The following CDH23 variants were observed in gnomAD, a reference collection of about 807,000 sequenced individuals.
CDH23 encodes the protein cadherin-23.
CDH23 carries 189 observed loss-of-function variants against 317.1 expected under a neutral mutation model. That is an observed-to-expected ratio of 0.60 (90% CI 0.53 to 0.67). CDH23 has a LOEUF of 0.67. Among genes scored for constraint, CDH23 ranks in the 30% least tolerant of loss-of-function variants. The probability of loss-of-function intolerance (pLI) is 0.00; values close to 1 mark genes in which losing one functional copy is unlikely to be tolerated. For synonymous variants in CDH23, 1,839 were observed against 1,876.8 expected (o/e 0.98, Z 0.52); for missense variants, 4,401 against 4,592.4 (o/e 0.96, Z 1.20).
intron 38 of CDH23, among the ~76,000 whole-genome samples, chr10:71,759,736 C>T (rs937427942): frequency 1.3e-5 from 2 of 151,008 alleles, no homozygotes; most frequent in African/African-American, 4.9e-5. Flanking sequence ...CGCTTGAATC[C>T]GGGAGGCGGA....
At chr10:71,444,739 A>G (rs76115010) in intron 2 of CDH23, among the ~76,000 whole-genome samples, 3,005 of 152,250 alleles carry the variant, frequency 0.02, 110 homozygotes, top group African/African-American at 0.067. Context: ...CCCAGATGCC[A>G]ACCTTCTCAC....
chr10:71,500,900 C>T (rs1000460795), intron 3 of CDH23, among the ~76,000 whole-genome samples: 18 of 150,472 alleles, frequency 1.2e-4, no homozygotes, highest in Admixed American at 1.0e-3. Context: ...GACAGAGTCT[C>T]GCTCTGTCCT....
At chr10:71,669,248 C>A (rs942502273) in intron 14 of CDH23, among the ~76,000 whole-genome samples, 11 of 152,222 alleles carry the variant, frequency 7.2e-5, no homozygotes, top group African/African-American at 2.7e-4. Flanking sequence ...ACCTGGACTT[C>A]TAGGTGCGCA....
At chr10:71,644,262 C>A (rs979636738) in intron 12 of CDH23, among the ~76,000 whole-genome samples, 2 of 152,234 alleles carry the variant, frequency 1.3e-5, no homozygotes, top group African/African-American at 2.4e-5. Flanking sequence ...CAAGAGAGGG[C>A]TTAGGGAGCT....
At chr10:71,491,179 G>A (rs139733260) in intron 3 of CDH23, among the ~76,000 whole-genome samples, 2 of 152,256 alleles carry the variant, frequency 1.3e-5, no homozygotes, top group Admixed American at 6.5e-5. Flanking sequence ...ATTGGTGGAG[G>A]TCTGCCCTGA....
At chr10:71,662,961 C>T (rs1276760332) in intron 14 of CDH23, among the ~76,000 whole-genome samples, 2 of 152,206 alleles carry the variant, frequency 1.3e-5, no homozygotes, top group African/African-American at 4.8e-5. Context: ...CGTTCAGGGC[C>T]TGTGGCTGCA....
chr10:71,590,416 T>A (rs750150048), intron 9 of CDH23, among the ~76,000 whole-genome samples: 8 of 152,226 alleles, frequency 5.3e-5, no homozygotes, highest in Non-Finnish European at 1.2e-4. Context: ...TTCTGCTTTC[T>A]ATCTCACTGC....
At chr10:71,641,164 C>T (rs1040006579) in intron 11 of CDH23, among the ~76,000 whole-genome samples, 2 of 152,212 alleles carry the variant, frequency 1.3e-5, no homozygotes, top group African/African-American at 4.8e-5. Context: ...AGCTACTCTC[C>T]CTGCCGCAGT....
intron 6 of CDH23, among the ~76,000 whole-genome samples, chr10:71,555,849 A>G (rs1385378485): frequency 6.6e-6 from 1 of 152,148 alleles, no homozygotes; most frequent in African/African-American, 2.4e-5. Flanking sequence ...ATGAGACTCC[A>G]CCTAGCTCTG....
chr10:71,651,756 A>G (rs1863184861), intron 14 of CDH23, among the ~76,000 whole-genome samples: 1 of 152,174 alleles, frequency 6.6e-6, no homozygotes, highest in African/African-American at 2.4e-5. Flanking sequence ...GGGAAGGCCT[A>G]TATCAAACCA....
chr10:71,695,308 G>A (rs1865341109), intron 21 of CDH23, 110 bp from the exon 22 acceptor site: 1 of 793,074 alleles, frequency 1.3e-6, no homozygotes, highest in East Asian at 2.6e-5. Context: ...GGAGCTGGCA[G>A]AATTAATGCG....
At chr10:71,671,920 A>C (rs1864164784) in intron 14 of CDH23, among the ~76,000 whole-genome samples, 1 of 152,156 alleles carries the variant, frequency 6.6e-6, no homozygotes, top group African/African-American at 2.4e-5. Context: ...ACGTGGGTGC[A>C]GTTGTAGTTA....
chr10:71,481,094 C>G (rs1187469122), intron 3 of CDH23, among the ~76,000 whole-genome samples: 1 of 152,140 alleles, frequency 6.6e-6, no homozygotes, highest in African/African-American at 2.4e-5. Flanking sequence ...TTTGAGATCC[C>G]TGGGGAGCCC....
chr10:71,618,365 G>T (rs887879165), intron 11 of CDH23, among the ~76,000 whole-genome samples: 1 of 152,224 alleles, frequency 6.6e-6, no homozygotes, highest in South Asian at 2.1e-4. Context: ...GCGGGCGTAG[G>T]GGGGCAGGGC....
intron 3 of CDH23, among the ~76,000 whole-genome samples, chr10:71,464,632 A>G (rs1851160731): frequency 7.2e-6 from 1 of 139,006 alleles, no homozygotes; most frequent in African/African-American, 2.6e-5. Context: ...TCAGTTCCCA[A>G]TGATGCCAAT....
intron 30 of CDH23, among the ~76,000 whole-genome samples, 170 bp from the exon 31 acceptor site, chr10:71,730,299 G>A (rs1012412430): frequency 1.3e-5 from 2 of 152,236 alleles, no homozygotes; most frequent in African/African-American, 4.8e-5. Flanking sequence ...GCCAGGTGCT[G>A]TGCAAGGTGG....
At chr10:71,615,830 G>A (rs577464284) in intron 10 of CDH23, among the ~76,000 whole-genome samples, 6 of 152,300 alleles carry the variant, frequency 3.9e-5, no homozygotes, top group Admixed American at 6.5e-5. Context: ...TGGGCCTGCC[G>A]CATCCATCAT....
chr10:71,680,147 CT>C (rs1864554924), intron 17 of CDH23, among the ~76,000 whole-genome samples: 1 of 152,256 alleles, frequency 6.6e-6, no homozygotes, highest in Non-Finnish European at 1.5e-5. Context: ...TCTTTGAACA[CT>C]TTGACACTGT....
At chr10:71,427,154 CAAAA>C (rs754534481) in intron 1 of CDH23, among the ~76,000 whole-genome samples, 3 of 64,298 alleles carry the variant, frequency 4.7e-5, no homozygotes, top group Admixed American at 1.9e-4. Context: ...GACCCTGTCT[CAAAA>C]AAAAAAAAAA....
Sources: allele counts gnomAD v4.1 joint callset (sites outside exome capture counted in the v4.1 genomes callset), GRCh38; gene constraint gnomAD v4.1.1; transcripts MANE v1.5; gene names NCBI Gene and HGNC (gene_info 2026-07-23, HGNC 2026-07-21).